Variants in TBC1D15 observed in about 807,000 individuals in gnomAD.
TBC1D15 encodes the protein GAP for RAB7.
TBC1D15 carries 39 observed loss-of-function variants against 95.4 expected under a neutral mutation model. The ratio of observed to expected loss-of-function variants is 0.41; its 90% CI spans 0.32 to 0.53. The LOEUF (loss-of-function observed/expected upper bound fraction) is 0.53. Among genes scored for constraint, TBC1D15 ranks in the 20% least tolerant of loss-of-function variants. The pLI is 0.29. For missense variants in TBC1D15, 733 were observed against 794.3 expected, an observed-to-expected ratio of 0.92 and a Z score of 0.93; for synonymous variants, 258 against 261.3, an observed-to-expected ratio of 0.99 and a Z score of 0.12.
chr12:71,871,760 T>C (rs534103323), intron 1 of TBC1D15, among the ~76,000 whole-genome samples: 19 of 152,276 alleles, frequency 1.2e-4, no homozygotes, highest in Admixed American at 2.6e-4. Context: ...AATATAAATT[T>C]TAGGTGGAAT....
chr12:71,856,182 T>C (rs1565952303), intron 1 of TBC1D15, among the ~76,000 whole-genome samples: 1 of 152,180 alleles, frequency 6.6e-6, no homozygotes, highest in Non-Finnish European at 1.5e-5. Flanking sequence ...TAGAGATGTA[T>C]TTTAGATAAG....
At chr12:71,877,504 CTT>C (rs1894169824) in intron 3 of TBC1D15, among the ~76,000 whole-genome samples, 3 of 63,818 alleles carry the variant, frequency 4.7e-5, no homozygotes, top group Non-Finnish European at 8.1e-5. Context: ...TTTTTCCTTC[CTT>C]CCTTCCTTCC....
intron 5 of TBC1D15, among the ~76,000 whole-genome samples, chr12:71,890,083 A>AGCC (rs1219431752): frequency 5.6e-4 from 86 of 152,256 alleles, no homozygotes; most frequent in African/African-American, 1.9e-3. Context: ...TGCTATTGTG[A>AGCC]ATTACAGAAT....
intron 8 of TBC1D15, 185 bp from the exon 9 acceptor site, chr12:71,896,492 T>C: frequency 5.1e-6 from 3 of 592,424 alleles, no homozygotes; most frequent in Non-Finnish European, 9.0e-6. Context: ...GTTTAAACTT[T>C]CTGGCAGCTG....
intron 1 of TBC1D15, among the ~76,000 whole-genome samples, chr12:71,857,651 A>G (rs551793175): frequency 5.3e-5 from 8 of 152,228 alleles, no homozygotes; most frequent in Non-Finnish European, 1.0e-4. Context: ...TATAATGTGT[A>G]ATCAAATCTT....
intron 10 of TBC1D15, among the ~76,000 whole-genome samples, chr12:71,902,768 T>C (rs1371789124): frequency 6.6e-6 from 1 of 152,042 alleles, no homozygotes; most frequent in Non-Finnish European, 1.5e-5. Context: ...AAAGAAACTA[T>C]CAATCAACAG....
At position 71,847,507 on chromosome 12, in the gene TBC1D15, C is replaced by G. The variant is rs549525494; in HGVS notation, c.30+7696C>G. 1.1e-4 allele frequency among the ~76,000 whole-genome samples: 16 copies of G among 151,496 alleles called. No homozygotes were observed. The East Asian group carries it at 2.2e-3, about 20-fold the overall frequency. ...GTAAGGAGTTCGAGACCAGCCTGACCAACATAGTGAAACCTTGTCTCTACT... is the reference window on the plus strand; with the variant it reads ...GTAAGGAGTTCGAGACCAGCCTGACGAACATAGTGAAACCTTGTCTCTACT... On this transcript the variant is annotated intron_variant, in intron 1 of 16. Coordinates refer to ENST00000485960, the MANE Select transcript of TBC1D15 (RefSeq NM_001146213.3).
In TBC1D15 at chr12:71,855,235, G is replaced by T. The variant is rs1888758013; in HGVS notation, c.30+15424G>T. ...TGGGGGAAACTGTCCTTATGATCCA[G>T]TCACCTCCCACTGGGTTCCTCCCTC... On this transcript the variant is annotated intron_variant, in intron 1 of 16. Coordinates refer to ENST00000485960, the MANE Select transcript of TBC1D15 (RefSeq NM_001146213.3). Among the ~76,000 whole-genome samples the T allele has an allele frequency of 2.6e-5, 4 of 152,170 alleles. No homozygotes were observed. The South Asian group carries it at 8.3e-4, about 32-fold the overall frequency.
chr12:71,847,972 C>T lies in TBC1D15; in HGVS notation c.30+8161C>T, dbSNP rs1886760029. On this transcript the variant is annotated intron_variant, in intron 1 of 16. Coordinates refer to ENST00000485960, the MANE Select transcript of TBC1D15 (RefSeq NM_001146213.3). Reference sequence around the variant, plus strand: ...ACTAGCTGGGCATGGTGGTGCATGCCTGTAATCCCAGCTACTCGGGAGGCT... The same window carrying T: ...ACTAGCTGGGCATGGTGGTGCATGCTTGTAATCCCAGCTACTCGGGAGGCT... Among the ~76,000 whole-genome samples, 8 of 152,004 alleles carry T rather than the reference C, an allele frequency of 5.3e-5. No individual in the cohort carries two copies. In the South Asian group the frequency reaches 1.5e-3, roughly 28 times the overall value.
At chr12:71,922,169 TCTC>T (rs925723958) in intron 16 of TBC1D15, among the ~76,000 whole-genome samples, 9 of 152,168 alleles carry the variant, frequency 5.9e-5, no homozygotes, top group African/African-American at 1.2e-4. Context: ...ACTGCAACCT[TCTC>T]CTCCTGAGTT....
chr12:71,876,162 T>C (rs1218204583), intron 3 of TBC1D15, among the ~76,000 whole-genome samples: 4 of 152,208 alleles, frequency 2.6e-5, no homozygotes, highest in African/African-American at 9.7e-5. Context: ...AATTCTGGGT[T>C]TTAGAAGTTT....
At chr12:71,882,091 C>CT (rs1164943339) in intron 4 of TBC1D15, among the ~76,000 whole-genome samples, 2 of 151,662 alleles carry the variant, frequency 1.3e-5, no homozygotes, top group Admixed American at 6.6e-5. Flanking sequence ...AAAGAAAAAG[C>CT]TTTTGTTTTT....
At chr12:71,896,587 G>A in intron 8 of TBC1D15, 90 bp from the exon 9 acceptor site, 1 of 1,041,316 alleles carries the variant, frequency 9.6e-7, no homozygotes, top group African/African-American at 1.6e-5. Flanking sequence ...ACCTCTTAAA[G>A]ATTAGTTTTC....
chr12:71,849,811 CT>C, intron 1 of TBC1D15: 1 of 550,244 alleles, frequency 1.8e-6, no homozygotes, highest in Middle Eastern at 3.1e-4. Flanking sequence ...ATATCTGTTT[CT>C]AACTCTAATA....
intron 13 of TBC1D15, among the ~76,000 whole-genome samples, chr12:71,918,122 T>G (rs539437795): frequency 6.6e-6 from 1 of 152,278 alleles, no homozygotes; most frequent in African/African-American, 2.4e-5. Context: ...TCCACTGCAC[T>G]CCGACCTGGG....
intron 3 of TBC1D15, among the ~76,000 whole-genome samples, chr12:71,878,861 A>G (rs1894542215): frequency 6.6e-6 from 1 of 151,516 alleles, no homozygotes; most frequent in African/African-American, 2.4e-5. Flanking sequence ...ACAAGAAATG[A>G]CATTTGAGGA....
chr12:71,875,223 T>C (rs1011076359), intron 3 of TBC1D15, among the ~76,000 whole-genome samples: 5 of 152,126 alleles, frequency 3.3e-5, no homozygotes, highest in Non-Finnish European at 7.4e-5. Context: ...ACAGGGTAGT[T>C]ACTTGTCTTT....
At chr12:71,893,383 C>A in intron 6 of TBC1D15, 59 bp downstream of exon 6, 1 of 1,113,774 alleles carries the variant, frequency 9.0e-7, no homozygotes, top group South Asian at 1.6e-5. Context: ...ATACCCTGTA[C>A]TTCTCATCTT....
intron 11 of TBC1D15, among the ~76,000 whole-genome samples, chr12:71,912,863 T>C (rs539951609): frequency 6.6e-6 from 1 of 152,182 alleles, no homozygotes; most frequent in Admixed American, 6.5e-5. Context: ...TAAAAAGGCT[T>C]AGTATAAGTT....
Sources: allele counts gnomAD v4.1 joint callset (sites outside exome capture counted in the v4.1 genomes callset), GRCh38; gene constraint gnomAD v4.1.1; transcripts MANE v1.5; gene names NCBI Gene and HGNC (gene_info 2026-07-23, HGNC 2026-07-21).